Variants in ADCK5 observed in about 807,000 individuals in gnomAD.
The protein encoded by ADCK5 is uncharacterized aarF domain-containing protein kinase 5.
In ADCK5, 43 loss-of-function variants were observed where a neutral mutation model predicts 64.9. That is an observed-to-expected ratio of 0.66 (90% CI 0.52 to 0.85). The LOEUF (loss-of-function observed/expected upper bound fraction) is 0.85, where lower values mean the gene tolerates loss of function less well. ADCK5 is among the 40% of genes least tolerant of loss of function. The pLI, the probability that ADCK5 is intolerant of heterozygous loss-of-function variation, is 0.00. For synonymous variants in ADCK5, 434 were observed against 342.8 expected (o/e 1.27, Z -2.94); for missense variants, 760 against 810.5 (o/e 0.94, Z 0.76).
chr8:144,392,502 G>C lies in ADCK5; in HGVS notation c.1325G>C (p.Trp442Ser), dbSNP rs1384447806. The change falls in exon 13 of 15, where the codon TGG (tryptophan) becomes TCG (serine). Residue 442 changes from tryptophan (W) to serine (S), a missense_variant. Coordinates refer to ENST00000308860, the MANE Select transcript of ADCK5 (RefSeq NM_174922.5). Reference protein sequence around the residue: ...MQRPVRLGQLWGSHLLSREEA... With the variant: ...MQRPVRLGQLSGSHLLSREEA... Reference sequence around the variant, plus strand: ...CGCCCCGTGCGCCTGGGGCAGCTGTGGGGCTCGCACCTACTGAGCCGCGAA... The same window carrying C: ...CGCCCCGTGCGCCTGGGGCAGCTGTCGGGCTCGCACCTACTGAGCCGCGAA... 2.0e-6 allele frequency: 3 copies of C among 1,538,148 alleles called. No individual in the cohort carries two copies. Among genetic ancestry groups the C allele is most frequent in the African/African-American group, 2.7e-5 (2 of 72,894 alleles).
Position 144,385,397 on chromosome 8 carries a change from T to A in ADCK5, c.266+2167T>A, listed in dbSNP as rs552838427. On this transcript the variant is annotated intron_variant, in intron 3 of 14. Coordinates refer to ENST00000308860, the MANE Select transcript of ADCK5 (RefSeq NM_174922.5). ...CAGGGTTTCGTCATGTTGGACAGGC[T>A]GGTCTCCAACTCTTGACCTCAGGTG... Among the ~76,000 whole-genome samples the A allele has an allele frequency of 1.0e-3, 158 of 151,716 alleles. 2 individuals carry two copies. The highest frequency in any genetic ancestry group is 6.2e-3 in the South Asian group (30 of 4,810).
chr8:144,382,585 T>A (rs1819726006), intron 2 of ADCK5, among the ~76,000 whole-genome samples: 1 of 152,234 alleles, frequency 6.6e-6, no homozygotes, highest in Non-Finnish European at 1.5e-5. Context: ...TGTATGGTGA[T>A]CCTACTATAT....
intron 3 of ADCK5, among the ~76,000 whole-genome samples, chr8:144,383,505 C>T (rs1819773055): frequency 1.3e-5 from 2 of 152,204 alleles, no homozygotes; most frequent in Non-Finnish European, 2.9e-5. Context: ...TTCCCTAGTT[C>T]AGCCTTGGCC....
At position 144,383,152 on chromosome 8, in the gene ADCK5, G is replaced by A; in HGVS notation, c.188G>A (p.Gly63Glu). Residue 63 changes from glycine to glutamate, a missense_variant, in exon 3 of 15, where the codon GGA becomes GAA. Transcript: ENST00000308860. ...GTAGTGGGGGCGCCCCTGCTCCTCG[G>A]AGCCCGCTATGTCATGGCAGAGGCA... ...TAVVGAPLLLGARYVMAEARE... is the reference protein window; with the variant it reads ...TAVVGAPLLLEARYVMAEARE... 2 of 1,595,298 alleles carry A rather than the reference G, an allele frequency of 1.3e-6. No individual in the cohort carries two copies. Among genetic ancestry groups the A allele is most frequent in the Non-Finnish European group, 1.7e-6 (2 of 1,171,488 alleles).
rs7007386 is a variant in ADCK5, at chr8:144,379,543, G to A, written c.116+53G>A. On this transcript the variant is annotated intron_variant, in intron 2 of 14. Coordinates refer to ENST00000308860, the MANE Select transcript of ADCK5 (RefSeq NM_174922.5). ...TCTCACCCAGGCAGGCATGGATGGC[G>A]TCTGTGTGCATGCAGAGGTGGCAGT... is the stretch of plus-strand genomic sequence containing the variant. The A allele has an allele frequency of 0.011, 15,747 of 1,431,030 alleles. 1,132 individuals are homozygous for A. In the African/African-American group the frequency reaches 0.18, roughly 16 times the overall value. 88.6% of individuals were successfully genotyped at this position (1,431,030 alleles called of 1,614,324 possible).
Position 144,391,985 on chromosome 8 carries a change from C to T in ADCK5, c.1059C>T (p.Tyr353=), listed in dbSNP as rs1168947068. ...AGGCCTTTGCTGAGCAGATATTTTA[C>T]ACCGGCTTCATCCACTCGGACCCAC... is the stretch of plus-strand genomic sequence containing the variant. ...LIKAFAEQIF[Y]TGFIHSDPHP... Residue 353 remains tyrosine (Y), a synonymous_variant, in exon 10 of 15, where the codon TAC becomes TAT. Coordinates refer to ENST00000308860, the MANE Select transcript of ADCK5 (RefSeq NM_174922.5). 4 of 1,612,670 alleles carry T rather than the reference C, an allele frequency of 2.5e-6. No individual in the cohort carries two copies. The highest frequency in any genetic ancestry group is 2.5e-6 in the Non-Finnish European group (3 of 1,179,994).
chr8:144,382,999 G>A, intron 2 of ADCK5, 82 bp from the exon 3 acceptor site: 1 of 1,529,090 alleles, frequency 6.5e-7, no homozygotes, highest in South Asian at 1.2e-5. Context: ...GTGAGACGTG[G>A]TGCTGGGGGA....
chr8:144,393,099 G>C lies in ADCK5; in HGVS notation c.*25G>C, dbSNP rs782407174. Reference sequence around the variant, plus strand: ...GGGTGCAGCCGCCCAGGGCCGGCGGGGCCCTTTTCACCTTGGGCTGACGGA... The same window carrying C: ...GGGTGCAGCCGCCCAGGGCCGGCGGCGCCCTTTTCACCTTGGGCTGACGGA... On this transcript the variant is annotated 3_prime_UTR_variant, in exon 15 of 15. Coordinates refer to ENST00000308860, the MANE Select transcript of ADCK5 (RefSeq NM_174922.5). 6.6e-7 allele frequency: 1 copy of C among 1,519,128 alleles called. No homozygotes were observed. Among genetic ancestry groups the C allele is most frequent in the South Asian group, 1.2e-5 (1 of 80,366 alleles). The allele number at this position is 1,519,128 out of a possible 1,614,324, so 94.1% of individuals were successfully genotyped here. A position where few individuals can be genotyped will look rare whatever the true frequency, so the allele number is the denominator to read the frequency against.
intron 3 of ADCK5, among the ~76,000 whole-genome samples, chr8:144,386,099 C>A (rs970244053): frequency 4.0e-5 from 6 of 150,166 alleles, no homozygotes; most frequent in Admixed American, 1.3e-4. Context: ...ACCTCCATAT[C>A]CCAGGTTCAA....
At chr8:144,379,242 C>T in intron 1 of ADCK5, 145 bp from the exon 2 acceptor site, 1 of 526,984 alleles carries the variant, frequency 1.9e-6, no homozygotes. Flanking sequence ...CTGGGTAGTT[C>T]TTTAGAGCAG....
At chr8:144,391,551 C>G in intron 7 of ADCK5, 29 bp from the exon 8 acceptor site, 1 of 1,584,756 alleles carries the variant, frequency 6.3e-7, no homozygotes, top group Non-Finnish European at 8.5e-7. Flanking sequence ...GTAGGCAGAG[C>G]TGGTCTTCAA....
intron 3 of ADCK5, among the ~76,000 whole-genome samples, chr8:144,390,141 T>G (rs1468717525): frequency 6.6e-6 from 1 of 151,978 alleles, no homozygotes; most frequent in East Asian, 1.9e-4. Context: ...CTGCAGATCT[T>G]TTTTGGACGG....
intron 3 of ADCK5, among the ~76,000 whole-genome samples, chr8:144,387,308 G>A (rs1257226949): frequency 1.3e-5 from 2 of 152,152 alleles, no homozygotes; most frequent in Non-Finnish European, 1.5e-5. Context: ...ACATGATTTC[G>A]GTTTCCCCCA....
chr8:144,391,898 C>T (rs782356500), intron 9 of ADCK5, 32 bp downstream of exon 9: 7 of 624,676 alleles, frequency 1.1e-5, no homozygotes, highest in South Asian at 5.5e-5. Flanking sequence ...CGGGTCAGGG[C>T]GGGCTGGTGC....
rs897287458 is a variant in ADCK5 at position 144,380,040 on chromosome 8, C to G, written c.116+550C>G. Among the ~76,000 whole-genome samples the G allele has an allele frequency of 5.3e-5, 8 of 152,242 alleles. 1 individual carries two copies. The highest frequency in any genetic ancestry group is 5.2e-4 in the Admixed American group (8 of 15,284). ...GTGAACCTGGCAGGGGTCTCCTTCTCCCGAGAGCTCTGCAGTAGGACAACC... is the reference window on the plus strand; with the variant it reads ...GTGAACCTGGCAGGGGTCTCCTTCTGCCGAGAGCTCTGCAGTAGGACAACC... On this transcript the variant is annotated intron_variant, in intron 2 of 14. Coordinates refer to ENST00000308860, the MANE Select transcript of ADCK5 (RefSeq NM_174922.5).
chr8:144,389,955 A>G (rs1554860062), intron 3 of ADCK5, among the ~76,000 whole-genome samples: 1 of 151,510 alleles, frequency 6.6e-6, no homozygotes. Flanking sequence ...CAGTCTCCCG[A>G]GTAGCTGGGA....
upstream of ADCK5, chr8:144,373,797 G>C: frequency 2.9e-6 from 1 of 350,824 alleles, no homozygotes. Context: ...TCTCACAGCG[G>C]TCCTTCCGGC....
chr8:144,373,565 C>T (rs547881741), upstream of ADCK5, among the ~76,000 whole-genome samples: 1 of 152,336 alleles, frequency 6.6e-6, no homozygotes, highest in South Asian at 2.1e-4. Flanking sequence ...CCCATGGGCA[C>T]GGGAGCTGCT....
At chr8:144,375,095 T>G (rs11994944) in intron 1 of ADCK5, among the ~76,000 whole-genome samples, 2 of 152,224 alleles carry the variant, frequency 1.3e-5, no homozygotes, top group Admixed American at 6.5e-5. Context: ...CCCAGGGTGC[T>G]TCATGGGCCG....
Sources: allele counts gnomAD v4.1 joint callset (sites outside exome capture counted in the v4.1 genomes callset), GRCh38; gene constraint gnomAD v4.1.1; transcripts MANE v1.5; gene names NCBI Gene and HGNC (gene_info 2026-07-23, HGNC 2026-07-21).